CBR4: variants seen among roughly 807,000 people sequenced by gnomAD.
CBR4 encodes 3-oxoacyl-[acyl-carrier-protein] reductase.
In CBR4, 22 loss-of-function variants were observed where a neutral mutation model predicts 21.0. The ratio of observed to expected loss-of-function variants is 1.05; its 90% CI spans 0.75 to 1.50. CBR4 has a LOEUF of 1.50. CBR4 is among the 40% of genes most tolerant of loss of function. The pLI, the probability that CBR4 is intolerant of heterozygous loss-of-function variation, is 0.00. For missense variants in CBR4, 302 were observed against 286.3 expected (o/e 1.05, Z -0.40); for synonymous variants, 100 against 104.4 (o/e 0.96, Z 0.26).
At chr4:169,004,481 C>G (rs1730732718) in intron 3 of CBR4, among the ~76,000 whole-genome samples, 1 of 152,246 alleles carries the variant, frequency 6.6e-6, no homozygotes, top group African/African-American at 2.4e-5. Flanking sequence ...CTCTCAATCC[C>G]TGCTATTGCT....
intron 2 of CBR4, chr4:168,927,090 A>C: frequency 4.5e-6 from 1 of 222,752 alleles, no homozygotes; most frequent in African/African-American, 2.2e-5. Context: ...AAATATAAAT[A>C]ATATAAAGTG....
At chr4:168,934,538 G>C (rs1209253289) in intron 2 of CBR4, among the ~76,000 whole-genome samples, 1 of 151,972 alleles carries the variant, frequency 6.6e-6, no homozygotes, top group Non-Finnish European at 1.5e-5. Context: ...AGGATCATTA[G>C]AATCTATCAT....
rs200175917 is a variant in CBR4, at chr4:168,918,125, G to A, written n.170-23360C>T. Among the ~76,000 whole-genome samples, 6 of 151,892 alleles carry A rather than the reference G, an allele frequency of 4.0e-5. No homozygotes were observed. In the East Asian group the frequency reaches 1.2e-3, roughly 29 times the overall value. ...GAGGCAGGGGAATCACTTGAACCTG[G>A]GAGGCAGAGGTTGCATCACTGCATT... On this transcript the variant is annotated intron_variant and non_coding_transcript_variant, in intron 2 of 3. Coordinates refer to the CBR4 transcript ENST00000509108.
At chr4:168,924,827 C>A (rs746931277) in intron 2 of CBR4, 2 of 973,236 alleles carry the variant, frequency 2.1e-6, no homozygotes, top group Non-Finnish European at 3.3e-6. Context: ...ATAAGTATGA[C>A]CCTATTATCA....
At chr4:168,970,760 C>A (rs765590580) in intron 2 of CBR4, among the ~76,000 whole-genome samples, 32 of 151,926 alleles carry the variant, frequency 2.1e-4, no homozygotes, top group Non-Finnish European at 4.7e-4. Context: ...CTTAGACTAA[C>A]AATCTCCAGC....
At chr4:168,973,621 C>A (rs1209941032) in intron 2 of CBR4, among the ~76,000 whole-genome samples, 1 of 152,228 alleles carries the variant, frequency 6.6e-6, no homozygotes, top group African/African-American at 2.4e-5. Flanking sequence ...AGCCACCACA[C>A]CCAGCCCCAA....
intron 2 of CBR4, among the ~76,000 whole-genome samples, chr4:168,943,224 C>T (rs938380210): frequency 2.0e-5 from 3 of 152,164 alleles, no homozygotes; most frequent in Non-Finnish European, 2.9e-5. Flanking sequence ...AATACAAAGC[C>T]GCTGACAAAA....
Position 169,010,181 on chromosome 4 carries a change from A to AG in CBR4, c.-93_-92insC. On this transcript the variant is annotated 5_prime_UTR_variant, in exon 1 of 5. Coordinates refer to ENST00000306193, the MANE Select transcript of CBR4 (RefSeq NM_032783.5). ...TTTTAAACAACCGCGGTTCCAAAAAAAAAAAAAAGAAAAAAAAAGGCAAAC... is the reference window on the plus strand; with the variant it reads ...TTTTAAACAACCGCGGTTCCAAAAAAGAAAAAAAAGAAAAAAAAAGGCAAAC... 1.8e-6 allele frequency: 2 copies of AG among 1,138,632 alleles called. No individual in the cohort carries two copies. Among genetic ancestry groups the AG allele is most frequent in the Non-Finnish European group, 2.4e-6 (2 of 836,578 alleles). 70.5% of individuals were successfully genotyped at this position (1,138,632 alleles called of 1,614,324 possible).
chr4:168,963,061 A>T (rs2126732256), intron 2 of CBR4, among the ~76,000 whole-genome samples: 1 of 152,340 alleles, frequency 6.6e-6, no homozygotes, highest in African/African-American at 2.4e-5. Flanking sequence ...TGTCCAAATA[A>T]AACTGTAAGT....
At position 168,989,617 on chromosome 4, in the gene CBR4, A is replaced by T. The variant is rs538524135; in HGVS notation, c.*533T>A. ...CTCTAAATACTCTTATTTTGGCAAC[A>T]GCCCACAAGGTTAACTTTTAGAAAA... On this transcript the variant is annotated 3_prime_UTR_variant, in exon 5 of 5. Coordinates refer to ENST00000306193, the MANE Select transcript of CBR4 (RefSeq NM_032783.5). The T allele has an allele frequency of 2.0e-6, 2 of 985,258 alleles. No individual in the cohort carries two copies. The highest frequency in any genetic ancestry group is 9.4e-5 in the South Asian group (2 of 21,290). 61.0% of individuals were successfully genotyped at this position (985,258 alleles called of 1,614,324 possible). A position where few individuals can be genotyped will look rare whatever the true frequency, so the allele number is the denominator to read the frequency against.
intron 2 of CBR4, among the ~76,000 whole-genome samples, chr4:168,958,706 A>G (rs751194395): frequency 2.2e-4 from 33 of 152,258 alleles, no homozygotes; most frequent in South Asian, 2.1e-4. Context: ...CATATCCCCA[A>G]TTGGTATTGT....
chr4:168,994,105 A>G (rs1037282289), intron 4 of CBR4, among the ~76,000 whole-genome samples: 2 of 152,176 alleles, frequency 1.3e-5, no homozygotes, highest in Non-Finnish European at 2.9e-5. Flanking sequence ...CCTCAAACAG[A>G]CATTCACCCA....
In CBR4 at chr4:168,897,355, C is replaced by T. The variant is rs556336108; in HGVS notation, n.170-2590G>A. Among the ~76,000 whole-genome samples, 35 of 152,336 alleles carry T rather than the reference C, an allele frequency of 2.3e-4. No individual in the cohort carries two copies. In the East Asian group the frequency reaches 5.4e-3, roughly 23 times the overall value. ...CAAACCAACAAACTTGTTTTTTAAA[C>T]ACTGAGTAACTTCTTTAAGAGAAAA... On this transcript the variant is annotated intron_variant and non_coding_transcript_variant, in intron 2 of 3. Transcript: ENST00000509108.
At chr4:168,948,661 A>C (rs1763459703) in intron 2 of CBR4, among the ~76,000 whole-genome samples, 1 of 152,132 alleles carries the variant, frequency 6.6e-6, no homozygotes, top group Non-Finnish European at 1.5e-5. Context: ...TTTGTCGAAG[A>C]TCAGTTGGCT....
chr4:168,971,765 TC>T lies in CBR4; in HGVS notation n.169+30305del, dbSNP rs771824679. On this transcript the variant is annotated intron_variant and non_coding_transcript_variant, in intron 2 of 3. Transcript: ENST00000509108. ...TGAGTTGTTTACGCTGCTGATTATT[TC>T]TTTTGCTGTGCAGAAGCTTTTTAGT... Among the ~76,000 whole-genome samples, 9 of 152,250 alleles carry T rather than the reference TC, an allele frequency of 5.9e-5. No individual in the cohort carries two copies. In the East Asian group the frequency reaches 9.6e-4, roughly 16 times the overall value.
chr4:168,909,890 CA>C (rs1560904437), intron 2 of CBR4, among the ~76,000 whole-genome samples: 1 of 152,010 alleles, frequency 6.6e-6, no homozygotes, highest in Non-Finnish European at 1.5e-5. Flanking sequence ...ACAAAAATGA[CA>C]AAATTATACA....
At position 168,991,679 on chromosome 4, in the gene CBR4, A is replaced by T. The variant is rs184288308; in HGVS notation, c.536-1351T>A. 3.5e-3 allele frequency among the ~76,000 whole-genome samples: 534 copies of T among 152,328 alleles called. 4 individuals are homozygous for T. Among genetic ancestry groups the T allele is most frequent in the Non-Finnish European group, 6.1e-3 (416 of 68,014 alleles). ...ACTGTAGACTTATGAAGAAAATCTT[A>T]CAAGATTAATACAGGACATACAAAT... On this transcript the variant is annotated intron_variant, in intron 4 of 4. Transcript: ENST00000306193.
At chr4:169,007,093 A>T (rs977016530) in intron 2 of CBR4, among the ~76,000 whole-genome samples, 1 of 152,196 alleles carries the variant, frequency 6.6e-6, no homozygotes, top group Admixed American at 6.5e-5. Flanking sequence ...ATCCACTTGG[A>T]AGACAGGTTG....
At chr4:168,930,402 AATT>A (rs903242135) in intron 2 of CBR4, among the ~76,000 whole-genome samples, 68 of 152,208 alleles carry the variant, frequency 4.5e-4, no homozygotes, top group African/African-American at 1.5e-3. Flanking sequence ...GAACAAAACT[AATT>A]AATTCATACA....
Sources: gnomAD v4.1 joint callset for allele counts (sites outside exome capture counted in the v4.1 genomes callset) on GRCh38, gnomAD v4.1.1 for gene constraint, MANE v1.5 for transcripts, NCBI Gene and HGNC (gene_info 2026-07-23, HGNC 2026-07-21) for gene names.